Variants in JARID2 observed in about 807,000 individuals in gnomAD.
JARID2 encodes jumonji and AT-rich interaction domain containing 2.
A neutral mutation model predicts 125.6 loss-of-function variants in JARID2; 21 were observed. The observed-to-expected ratio is 0.17, with a 90% confidence interval of 0.12 to 0.24. The LOEUF (loss-of-function observed/expected upper bound fraction) is 0.24. JARID2 is among the 10% of genes least tolerant of loss of function. JARID2 has a pLI of 1.00. For synonymous variants in JARID2, 736 were observed against 661.6 expected (o/e 1.11, Z -1.73); for missense variants, 1,303 against 1,639.6 (o/e 0.79, Z 3.55).
rs73726554 is a variant in JARID2 at position 15,334,024 on chromosome 6, C to T, written c.46-40093C>T. Reference sequence around the variant, plus strand: ...AAACCTTTAAAATATGACATCTTAGCGTGCGGAAGTCCATAACCCCAAAGG... The same window carrying T: ...AAACCTTTAAAATATGACATCTTAGTGTGCGGAAGTCCATAACCCCAAAGG... On this transcript the variant is annotated intron_variant, in intron 1 of 17. Coordinates refer to ENST00000341776, the MANE Select transcript of JARID2 (RefSeq NM_004973.4). Among the ~76,000 whole-genome samples, 1,237 of 152,186 alleles carry T rather than the reference C, an allele frequency of 8.1e-3. 21 individuals carry two copies. The highest frequency in any genetic ancestry group is 0.029 in the African/African-American group (1,185 of 41,510).
chr6:15,281,719 CT>C (rs1359494319), intron 1 of JARID2, among the ~76,000 whole-genome samples: 1 of 152,164 alleles, frequency 6.6e-6, no homozygotes, highest in Non-Finnish European at 1.5e-5. Flanking sequence ...GCTGATAGGA[CT>C]AGTGTACTGT....
intron 1 of JARID2, among the ~76,000 whole-genome samples, chr6:15,263,894 G>C (rs1341323424): frequency 6.6e-6 from 1 of 152,052 alleles, no homozygotes; most frequent in African/African-American, 2.4e-5. Flanking sequence ...TGCCCGGCTG[G>C]CAATTTTTAT....
chr6:15,273,169 C>T (rs949244802), intron 1 of JARID2, among the ~76,000 whole-genome samples: 2 of 152,038 alleles, frequency 1.3e-5, no homozygotes, highest in Non-Finnish European at 2.9e-5. Flanking sequence ...CTGGAAACAT[C>T]GCAGTTGCAT....
chr6:15,374,278 T>C, intron 2 of JARID2, 26 bp downstream of exon 2: 16 of 1,610,572 alleles, frequency 9.9e-6, no homozygotes, highest in Non-Finnish European at 1.4e-5. Flanking sequence ...GAATATCTCA[T>C]TGGAATGTAC....
chr6:15,514,160 C>T lies in JARID2; in HGVS notation c.3450+738C>T, dbSNP rs1056850338. Among the ~76,000 whole-genome samples the T allele has an allele frequency of 5.0e-5, 4 of 80,216 alleles. No homozygotes were observed. In the East Asian group the frequency reaches 1.5e-3, roughly 30 times the overall value. 52.6% of individuals were successfully genotyped at this position (80,216 alleles called of 152,430 possible). On this transcript the variant is annotated intron_variant, in intron 16 of 17. Transcript: ENST00000341776. ...TGGGCTCAGAAAAGCCCTTCCATGG[C>T]GACTGGATGGCTGTGGCCTCGCCAT...
chr6:15,389,105 A>C (rs893098935), intron 2 of JARID2, among the ~76,000 whole-genome samples: 6 of 152,168 alleles, frequency 3.9e-5, no homozygotes, highest in African/African-American at 1.4e-4. Context: ...GCCATGTGTT[A>C]CATGAAGGCA....
intron 3 of JARID2, among the ~76,000 whole-genome samples, chr6:15,435,962 C>T (rs769155928): frequency 2.0e-5 from 3 of 152,042 alleles, no homozygotes; most frequent in Non-Finnish European, 4.4e-5. Context: ...CCTCTCAGGG[C>T]GTGCGATGGA....
intron 12 of JARID2, chr6:15,508,994 A>G (rs1049543282): frequency 3.2e-5 from 41 of 1,289,218 alleles, no homozygotes; most frequent in African/African-American, 2.3e-4. Flanking sequence ...TTCCTCATCT[A>G]TCGGTGGCTG....
intron 1 of JARID2, among the ~76,000 whole-genome samples, chr6:15,360,054 G>C (rs989790020): frequency 1.3e-5 from 2 of 152,148 alleles, no homozygotes; most frequent in Non-Finnish European, 2.9e-5. Context: ...TTATGAGTTA[G>C]GGCTTGTGAT....
chr6:15,438,896 G>T (rs1581565926), intron 3 of JARID2, among the ~76,000 whole-genome samples: 1 of 152,266 alleles, frequency 6.6e-6, no homozygotes, highest in East Asian at 1.9e-4. Context: ...GCCAGGCATG[G>T]TGTTGGGTAC....
chr6:15,486,493 G>T (rs1482718894), intron 5 of JARID2, among the ~76,000 whole-genome samples: 1 of 152,260 alleles, frequency 6.6e-6, no homozygotes, highest in Non-Finnish European at 1.5e-5. Context: ...GGCATGGCCT[G>T]TGCCAGGCAC....
intron 8 of JARID2, among the ~76,000 whole-genome samples, chr6:15,502,355 C>A (rs1207756426): frequency 6.6e-6 from 1 of 152,262 alleles, no homozygotes; most frequent in Non-Finnish European, 1.5e-5. Flanking sequence ...GAAGTCTCTG[C>A]TGAGTTTCCC....
intron 3 of JARID2, among the ~76,000 whole-genome samples, chr6:15,423,303 C>T (rs1003044825): frequency 2.6e-5 from 4 of 152,060 alleles, no homozygotes; most frequent in Non-Finnish European, 4.4e-5. Context: ...TGGCCTGCAT[C>T]CCAGTCATCT....
At chr6:15,327,802 G>A (rs960809245) in intron 1 of JARID2, among the ~76,000 whole-genome samples, 6 of 152,100 alleles carry the variant, frequency 3.9e-5, no homozygotes, top group Non-Finnish European at 7.4e-5. Flanking sequence ...ACTGCAACGC[G>A]GTCTCTGCTG....
intron 3 of JARID2, among the ~76,000 whole-genome samples, chr6:15,450,719 C>G (rs1296302136): frequency 1.3e-5 from 2 of 152,114 alleles, no homozygotes; most frequent in Non-Finnish European, 2.9e-5. Context: ...GAGTGGAGAC[C>G]TTTACGATTA....
chr6:15,423,692 C>A (rs948568614), intron 3 of JARID2, among the ~76,000 whole-genome samples: 1 of 152,172 alleles, frequency 6.6e-6, no homozygotes, highest in Non-Finnish European at 1.5e-5. Context: ...CTGGGCTGAG[C>A]ACGTACGTTT....
chr6:15,476,199 G>A (rs182116045), intron 5 of JARID2, among the ~76,000 whole-genome samples: 20 of 152,298 alleles, frequency 1.3e-4, no homozygotes, highest in Admixed American at 3.3e-4. Flanking sequence ...GGTGGGTTTG[G>A]CCAATATTTT....
At chr6:15,371,350 C>T (rs1271029582) in intron 1 of JARID2, among the ~76,000 whole-genome samples, 4 of 152,174 alleles carry the variant, frequency 2.6e-5, no homozygotes, top group Non-Finnish European at 4.4e-5. Flanking sequence ...AAACTGTGTA[C>T]ATGTAGGAAA....
intron 1 of JARID2, among the ~76,000 whole-genome samples, chr6:15,305,932 T>A (rs1477381781): frequency 6.6e-6 from 1 of 152,226 alleles, no homozygotes; most frequent in Non-Finnish European, 1.5e-5. Flanking sequence ...ATTCTGAACT[T>A]TTGTAAGGAA....
Sources: allele counts gnomAD v4.1 joint callset (sites outside exome capture counted in the v4.1 genomes callset), GRCh38; gene constraint gnomAD v4.1.1; transcripts MANE v1.5; gene names NCBI Gene and HGNC (gene_info 2026-07-23, HGNC 2026-07-21).